Variants in EFCAB13 observed in about 807,000 individuals in gnomAD.
The protein encoded by EFCAB13 is EF-hand calcium-binding domain-containing protein 13.
In EFCAB13, 91 loss-of-function variants were observed where a neutral mutation model predicts 110.2. That is an observed-to-expected ratio of 0.83 (90% CI 0.70 to 0.98). The LOEUF is 0.98. EFCAB13 is among the 50% of genes least tolerant of loss of function. The probability of loss-of-function intolerance (pLI) is 0.00; values close to 1 mark genes in which losing one functional copy is unlikely to be tolerated. For synonymous variants in EFCAB13, 323 were observed against 369.9 expected (o/e 0.87, Z 1.45); for missense variants, 968 against 1,119.4 (o/e 0.86, Z 1.93).
intron 14 of EFCAB13, among the ~76,000 whole-genome samples, chr17:47,389,702 T>G (rs747395325): frequency 2.0e-5 from 3 of 152,112 alleles, no homozygotes; most frequent in Admixed American, 6.5e-5. Context: ...TGGTCCACCC[T>G]TTCCCCAGAT....
At chr17:47,404,674 A>C in intron 20 of EFCAB13, 41 bp downstream of exon 20, 1 of 1,473,070 alleles carries the variant, frequency 6.8e-7, no homozygotes, top group Non-Finnish European at 9.4e-7. Flanking sequence ...GCAATGATAC[A>C]GAACTTATTC....
intron 20 of EFCAB13, among the ~76,000 whole-genome samples, chr17:47,408,172 T>A (rs1048565253): frequency 6.6e-6 from 1 of 152,228 alleles, no homozygotes; most frequent in Non-Finnish European, 1.5e-5. Context: ...CTTTGAGAAG[T>A]GCAAGGTATT....
At chr17:47,338,558 G>A (rs974083645) in intron 5 of EFCAB13, among the ~76,000 whole-genome samples, 1 of 148,148 alleles carries the variant, frequency 6.8e-6, no homozygotes, top group African/African-American at 2.5e-5. Context: ...TTTACTACTA[G>A]TTTTTTTTTT....
At chr17:47,432,289 T>A (rs1401175794) in intron 24 of EFCAB13, among the ~76,000 whole-genome samples, 11 of 151,878 alleles carry the variant, frequency 7.2e-5, no homozygotes, top group Admixed American at 7.2e-4. Flanking sequence ...TCCCAGCTAC[T>A]TGGGAGGCTT....
intron 4 of EFCAB13, 32 bp from the exon 5 acceptor site, chr17:47,335,164 A>G (rs2065342063): frequency 1.9e-6 from 3 of 1,559,970 alleles, no homozygotes; most frequent in Non-Finnish European, 2.6e-6. Context: ...TGCAAAGAGG[A>G]CATGCTTGAT....
Position 47,395,816 on chromosome 17 carries a change from G to C in EFCAB13, c.1802-18G>C, listed in dbSNP as rs376417370. On this transcript the variant is annotated intron_variant, in intron 16 of 24. Transcript: ENST00000331493. The stretch of plus-strand genomic sequence containing the variant: ...TTGCATAAGCATTCGTAAAACTTGT[G>C]TTTTATCTACCCTTTAGTATTGCCT... 4 of 1,562,360 alleles carry C rather than the reference G, an allele frequency of 2.6e-6. No homozygotes were observed. The highest frequency in any genetic ancestry group is 3.5e-6 in the Non-Finnish European group (4 of 1,152,612).
rs767847183 is a variant in EFCAB13, at chr17:47,409,685, G to C, written c.2272G>C (p.Val758Leu). Residue 758 changes from valine (V) to leucine (L), a missense_variant, in exon 21 of 25, where the codon GTA becomes CTA. Physicochemically the swap from Val to Leu is conservative, Grantham distance 32. Coordinates refer to ENST00000331493, the MANE Select transcript of EFCAB13 (RefSeq NM_152347.5). ...KEASNLKLPKVNEIKEAANIL... is the reference protein window; with the variant it reads ...KEASNLKLPKLNEIKEAANIL... ...GGCTTCAAATCTAAAATTACCAAAG[G>C]TAAACGGTGAGTAAGAACTTTGTAT... 5 of 1,609,392 alleles carry C rather than the reference G, an allele frequency of 3.1e-6. No individual in the cohort carries two copies. In the Admixed American group the frequency reaches 6.7e-5, roughly 21 times the overall value.
intron 23 of EFCAB13, among the ~76,000 whole-genome samples, chr17:47,424,900 T>TTTTTTTTTTTTTTTTTTTTTA: frequency 9.9e-6 from 1 of 101,074 alleles, no homozygotes; most frequent in African/African-American, 4.4e-5. Flanking sequence ...TTTTTTTTTT[T>TTTTTTTTTTTTTTTTTTTTTA]GAGACGGAGT....
In EFCAB13 at chr17:47,370,475, T is replaced by A; in HGVS notation, c.844T>A (p.Leu282Met). 6.2e-7 allele frequency: 1 copy of A among 1,608,186 alleles called. No individual in the cohort carries two copies. Among genetic ancestry groups the A allele is most frequent in the Non-Finnish European group, 8.5e-7 (1 of 1,175,020 alleles). ...MVDIGDIIFTLNELQEQYEDV... is the reference protein window; with the variant it reads ...MVDIGDIIFTMNELQEQYEDV... ...GGATATTGGGGATATTATATTTACT[T>A]TGAATGAGCTACAGGAACAGTATGA... Residue 282 changes from leucine (L) to methionine (M), a missense_variant, in exon 11 of 25, where the codon TTG becomes ATG. Physicochemically the swap from Leu to Met is conservative, Grantham distance 15 (BLOSUM62 2). Coordinates refer to ENST00000331493, the MANE Select transcript of EFCAB13 (RefSeq NM_152347.5).
intron 23 of EFCAB13, among the ~76,000 whole-genome samples, chr17:47,418,576 T>C (rs1904528064): frequency 6.6e-6 from 1 of 152,242 alleles, no homozygotes; most frequent in Non-Finnish European, 1.5e-5. Flanking sequence ...ATAAATGATT[T>C]TGAATTTGGT....
At chr17:47,327,047 G>A (rs759716804) in intron 3 of EFCAB13, among the ~76,000 whole-genome samples, 1 of 152,202 alleles carries the variant, frequency 6.6e-6, no homozygotes, top group African/African-American at 2.4e-5. Context: ...TAACTCAGAT[G>A]TGAGTTGAAA....
intron 9 of EFCAB13, among the ~76,000 whole-genome samples, chr17:47,357,178 C>A (rs914113657): frequency 1.3e-5 from 2 of 152,066 alleles, no homozygotes; most frequent in East Asian, 3.8e-4. Context: ...GAAAGCAAGC[C>A]GACTCACAGT....
Position 47,328,280 on chromosome 17 carries a change from G to A in EFCAB13, c.-74G>A, listed in dbSNP as rs771083146. On this transcript the variant is annotated 5_prime_UTR_variant, in exon 4 of 25. Transcript: ENST00000331493. ...TCTTTTTTTGGCAGGAAATCCTTTT[G>A]TACTATTGCTCATTCATACTTGTTC... 5.5e-6 allele frequency: 7 copies of A among 1,268,590 alleles called. No individual in the cohort carries two copies. The highest frequency in any genetic ancestry group is 8.1e-6 in the Non-Finnish European group (7 of 869,486). 78.6% of individuals were successfully genotyped at this position (1,268,590 alleles called of 1,614,324 possible).
At chr17:47,439,793 A>G (rs954580138) in intron 24 of EFCAB13, among the ~76,000 whole-genome samples, 4 of 152,098 alleles carry the variant, frequency 2.6e-5, no homozygotes, top group African/African-American at 9.7e-5. Context: ...TTAATACCAC[A>G]GATATACCAT....
chr17:47,361,355 G>A (rs760101453), intron 9 of EFCAB13, 23 bp from the exon 10 acceptor site: 3 of 1,609,838 alleles, frequency 1.9e-6, no homozygotes, highest in Non-Finnish European at 1.7e-6. Context: ...GATTCTCATG[G>A]TATAATAATT....
chr17:47,353,917 G>C (rs1489292776), intron 9 of EFCAB13, among the ~76,000 whole-genome samples: 1 of 151,760 alleles, frequency 6.6e-6, no homozygotes, highest in African/African-American at 2.4e-5. Flanking sequence ...TCTTCTGCTG[G>C]GTTTGGGTTT....
At position 47,374,880 on chromosome 17, in the gene EFCAB13, C is replaced by A; in HGVS notation, c.1286C>A (p.Pro429Gln). ...GATAAAAGTGATATTTCTAGTATCC[C>A]AAAACTTCAGAAGCCAGCTGTAAGA... The part of the protein sequence containing the change: ...SLDKSDISSI[P>Q]KLQKPAVRKH... Residue 429 changes from proline (P) to glutamine (Q), a missense_variant, in exon 12 of 25, where the codon CCA becomes CAA. Physicochemically the swap from Pro to Gln is moderately conservative, Grantham distance 76 (BLOSUM62 -1). Transcript: ENST00000331493. 6.2e-7 allele frequency: 1 copy of A among 1,610,904 alleles called. No homozygotes were observed. Among genetic ancestry groups the A allele is most frequent in the Non-Finnish European group, 8.5e-7 (1 of 1,179,164 alleles).
At chr17:47,435,712 A>G (rs1905199957) in intron 24 of EFCAB13, among the ~76,000 whole-genome samples, 1 of 91,720 alleles carries the variant, frequency 1.1e-5, no homozygotes, top group African/African-American at 4.8e-5. Context: ...AGGGTTTTTG[A>G]GGTAAACAAT....
chr17:47,373,130 G>T (rs918180144), intron 11 of EFCAB13, among the ~76,000 whole-genome samples: 1 of 151,358 alleles, frequency 6.6e-6, no homozygotes, highest in African/African-American at 2.4e-5. Context: ...TTTATTCACC[G>T]CAGACTATAT....
Sources: gnomAD v4.1 joint callset for allele counts (sites outside exome capture counted in the v4.1 genomes callset) on GRCh38, gnomAD v4.1.1 for gene constraint, MANE v1.5 for transcripts, NCBI Gene and HGNC (gene_info 2026-07-23, HGNC 2026-07-21) for gene names.